The following ATE1 variants were observed in gnomAD, a reference collection of about 807,000 sequenced individuals.
The protein encoded by ATE1 is arginyl-tRNA--protein transferase 1.
ATE1 carries 36 observed loss-of-function variants against 70.5 expected under a neutral mutation model. That is an observed-to-expected ratio of 0.51 (90% CI 0.39 to 0.67). The LOEUF is 0.67. ATE1 is among the 30% of genes least tolerant of loss of function. The pLI is 0.00. For synonymous variants in ATE1, 232 were observed against 219.3 expected (o/e 1.06, Z -0.51); for missense variants, 593 against 629.5 (o/e 0.94, Z 0.62).
rs913957149 is a variant in ATE1, at chr10:121,814,594, A to C, written c.1257+22124T>G. 2.0e-5 allele frequency among the ~76,000 whole-genome samples: 3 copies of C among 152,214 alleles called. No homozygotes were observed. In the South Asian group the frequency reaches 6.2e-4, roughly 32 times the overall value. The stretch of plus-strand genomic sequence containing the variant: ...GACAATATGGCATCTGAAAGTGTGA[A>C]GTATGAAAAAATTCTACAGTTATCC... On this transcript the variant is annotated intron_variant, in intron 10 of 11. Transcript: ENST00000224652.
At position 121,902,595 on chromosome 10, in the gene ATE1, A is replaced by T. The variant is rs775754676; in HGVS notation, c.609T>A (p.Pro203=). 1.2e-6 allele frequency: 2 copies of T among 1,612,420 alleles called. No homozygotes were observed. The highest frequency in any genetic ancestry group is 1.7e-6 in the Non-Finnish European group (2 of 1,179,030). Residue 203 remains proline (P), a synonymous_variant, in exon 6 of 12, where the codon CCT becomes CCA. Transcript: ENST00000224652. ...GGATTTCCTTTGCTTTTCGACATGG[A>T]GGCTTACTCAAATCAGCCCCTTTGC... The part of the protein sequence containing the change: ...KPGKGADLSK[P]PCRKAKEIRK...
At chr10:121,866,366 G>A (rs902824445) in intron 8 of ATE1, among the ~76,000 whole-genome samples, 2 of 152,110 alleles carry the variant, frequency 1.3e-5, no homozygotes, top group African/African-American at 2.4e-5. Context: ...CCTCTCCAAT[G>A]TCATAAACCC....
chr10:121,831,940 T>C lies in ATE1; in HGVS notation c.1257+4778A>G, dbSNP rs533776575. ...ACAGGAATGAAGTGGCAATAATCTA[T>C]AGTGACCATAAATTATTCTGAATTG... On this transcript the variant is annotated intron_variant, in intron 10 of 11. Coordinates refer to ENST00000224652, the MANE Select transcript of ATE1 (RefSeq NM_001001976.3). 2.2e-3 allele frequency among the ~76,000 whole-genome samples: 328 copies of C among 152,290 alleles called. 1 individual carries two copies. The highest frequency in any genetic ancestry group is 7.6e-3 in the African/African-American group (317 of 41,568).
At chr10:121,827,673 C>A (rs546038119) in intron 10 of ATE1, among the ~76,000 whole-genome samples, 1 of 152,326 alleles carries the variant, frequency 6.6e-6, no homozygotes, top group Admixed American at 6.5e-5. Flanking sequence ...CATTTGAAGA[C>A]AATTTCCTTT....
intron 10 of ATE1, among the ~76,000 whole-genome samples, chr10:121,824,558 T>A (rs1947930449): frequency 6.6e-6 from 1 of 152,182 alleles, no homozygotes; most frequent in Admixed American, 6.6e-5. Flanking sequence ...GCTGAGACAT[T>A]CACATAAGCA....
At chr10:121,864,053 C>T (rs1949572856) in intron 8 of ATE1, among the ~76,000 whole-genome samples, 1 of 152,096 alleles carries the variant, frequency 6.6e-6, no homozygotes, top group Admixed American at 6.6e-5. Flanking sequence ...TCCAATCTGC[C>T]CTAATAGTAT....
chr10:121,829,458 A>AAG (rs1371765255), intron 10 of ATE1, among the ~76,000 whole-genome samples: 2 of 150,394 alleles, frequency 1.3e-5, no homozygotes, highest in Non-Finnish European at 3.0e-5. Context: ...GAAAAAAAAA[A>AAG]TCGCTCCTGG....
intron 10 of ATE1, among the ~76,000 whole-genome samples, chr10:121,819,797 AC>A (rs1182093128): frequency 6.6e-6 from 1 of 151,994 alleles, no homozygotes; most frequent in Non-Finnish European, 1.5e-5. Context: ...GTAACCAAAT[AC>A]CAGCTGTTCC....
At chr10:121,894,457 A>G (rs10887018) in intron 7 of ATE1, among the ~76,000 whole-genome samples, 20,063 of 152,252 alleles carry the variant, frequency 0.13, 1,520 homozygotes, top group East Asian at 0.19. Flanking sequence ...TACTAAGAGC[A>G]GACAAAATAG....
chr10:121,799,533 A>T (rs1946794082), intron 10 of ATE1, among the ~76,000 whole-genome samples: 1 of 152,168 alleles, frequency 6.6e-6, no homozygotes, highest in South Asian at 2.1e-4. Flanking sequence ...TGTCCATCAA[A>T]ATTTCACCAA....
chr10:121,909,609 C>G (rs567093814), intron 5 of ATE1, among the ~76,000 whole-genome samples: 1 of 152,204 alleles, frequency 6.6e-6, no homozygotes, highest in South Asian at 2.1e-4. Context: ...GTCGATTATA[C>G]TATTCAATCT....
chr10:121,745,624 G>A (rs1944333022), intron 11 of ATE1, among the ~76,000 whole-genome samples: 1 of 152,214 alleles, frequency 6.6e-6, no homozygotes, highest in Non-Finnish European at 1.5e-5. Context: ...CTACTCAGGA[G>A]GCTGAGGCAG....
chr10:121,920,499 C>T (rs1247227083), intron 3 of ATE1, among the ~76,000 whole-genome samples: 1 of 150,528 alleles, frequency 6.6e-6, no homozygotes, highest in East Asian at 2.0e-4. Flanking sequence ...TACTGCATTC[C>T]AGCCTGAGCA....
intron 7 of ATE1, among the ~76,000 whole-genome samples, chr10:121,888,304 G>A (rs897489612): frequency 2.0e-5 from 3 of 152,162 alleles, no homozygotes; most frequent in South Asian, 2.1e-4. Flanking sequence ...TGAGACAGGA[G>A]AATGGCATGA....
intron 11 of ATE1, among the ~76,000 whole-genome samples, chr10:121,771,106 T>C (rs1202735212): frequency 6.6e-6 from 1 of 152,014 alleles, no homozygotes. Context: ...GAGTCCCACT[T>C]TGTCACCCAG....
intron 10 of ATE1, among the ~76,000 whole-genome samples, chr10:121,817,585 A>G (rs1947609962): frequency 6.6e-6 from 1 of 152,074 alleles, no homozygotes; most frequent in Non-Finnish European, 1.5e-5. Flanking sequence ...AAAAGCTTAC[A>G]ATCTAATGAG....
intron 10 of ATE1, among the ~76,000 whole-genome samples, chr10:121,801,224 C>T (rs771110950): frequency 3.9e-5 from 6 of 152,148 alleles, no homozygotes; most frequent in East Asian, 1.9e-4. Flanking sequence ...CAGAAAGTGA[C>T]GGTATTCTGT....
intron 10 of ATE1, among the ~76,000 whole-genome samples, chr10:121,827,401 C>G (rs1199575391): frequency 2.0e-5 from 3 of 152,108 alleles, no homozygotes; most frequent in African/African-American, 7.2e-5. Flanking sequence ...AATGGGCAGC[C>G]ACCACCTTGG....
intron 6 of ATE1, 61 bp from the exon 7 acceptor site, chr10:121,900,055 A>G: frequency 6.3e-7 from 1 of 1,575,028 alleles, no homozygotes; most frequent in Non-Finnish European, 8.7e-7. Flanking sequence ...TCTGTGGAAT[A>G]TGCATTAAGA....
Sources: allele counts gnomAD v4.1 joint callset (sites outside exome capture counted in the v4.1 genomes callset), GRCh38; gene constraint gnomAD v4.1.1; transcripts MANE v1.5; gene names NCBI Gene and HGNC (gene_info 2026-07-23, HGNC 2026-07-21).